BICRA: variants seen among roughly 807,000 people sequenced by gnomAD.
BICRA encodes the protein BRD4-interacting chromatin-remodeling complex-associated protein.
A neutral mutation model predicts 96.9 loss-of-function variants in BICRA; 31 were observed. The observed-to-expected ratio is 0.32, with a 90% confidence interval of 0.24 to 0.43. The LOEUF (loss-of-function observed/expected upper bound fraction) is 0.43. BICRA is among the 20% of genes least tolerant of loss of function. BICRA has a pLI of 1.00. For synonymous variants in BICRA, 1,350 were observed against 1,071.8 expected (o/e 1.26, Z -5.07); for missense variants, 2,283 against 2,190.3 (o/e 1.04, Z -0.84).
intron 1 of BICRA, among the ~76,000 whole-genome samples, chr19:47,622,030 G>C (rs1043313104): frequency 6.7e-6 from 1 of 150,058 alleles, no homozygotes; most frequent in Non-Finnish European, 1.5e-5. Context: ...GCAGTGGTGC[G>C]ATTTTGGCCC....
At chr19:47,613,624 C>A (rs138558762) in intron 1 of BICRA, among the ~76,000 whole-genome samples, 169 of 152,304 alleles carry the variant, frequency 1.1e-3, no homozygotes, top group African/African-American at 3.9e-3. Context: ...CTCACCCCTT[C>A]ATATCCCTCT....
Position 47,695,082 on chromosome 19 carries a change from TAGG to T in BICRA, c.3076+5_3076+7del, listed in dbSNP as rs1450346170. Reference sequence around the variant, plus strand: ...CCCCGGCACCCATGGCCGCCACAGGTAGGAGAGAGGTCGCCTATGTGCCCAGGG... The same window carrying T: ...CCCCGGCACCCATGGCCGCCACAGGTAGAGAGGTCGCCTATGTGCCCAGGG... On this transcript the variant is annotated splice_donor_5th_base_variant and intron_variant, in intron 9 of 14. Transcript: ENST00000594866. 1 of 1,490,548 alleles carries T rather than the reference TAGG, an allele frequency of 6.7e-7. No homozygotes were observed. The highest frequency in any genetic ancestry group is 1.3e-5 in the South Asian group (1 of 78,380). The allele number at this position is 1,490,548 out of a possible 1,614,324, so 92.3% of individuals were successfully genotyped here. A position where few individuals can be genotyped will look rare whatever the true frequency, so the allele number is the denominator to read the frequency against.
Position 47,698,585 on chromosome 19 carries a change from G to T in BICRA, c.3249-49G>T. ...CAGGGACTTCCCCTGGCCCTCACCC[G>T]TCCCCCCCACCCTCCGCCGTGTGTG... On this transcript the variant is annotated intron_variant, in intron 11 of 14. Transcript: ENST00000594866. This position sits in a 1 kb window ranked among gnomAD's most constrained non-coding sequence, Gnocchi z 4.8. 3.6e-6 allele frequency: 2 copies of T among 549,046 alleles called. No individual in the cohort carries two copies. The highest frequency in any genetic ancestry group is 7.3e-6 in the Non-Finnish European group (2 of 275,642). 34.0% of individuals were successfully genotyped at this position (549,046 alleles called of 1,614,324 possible).
chr19:47,665,555 G>A (rs551526550), intron 1 of BICRA, among the ~76,000 whole-genome samples: 21 of 152,168 alleles, frequency 1.4e-4, no homozygotes, highest in African/African-American at 4.3e-4. Context: ...CTGCAGCCTC[G>A]AACTCCTGGG....
intron 1 of BICRA, among the ~76,000 whole-genome samples, chr19:47,668,273 C>T (rs901195529): frequency 2.6e-5 from 4 of 152,090 alleles, no homozygotes; most frequent in African/African-American, 9.7e-5. Context: ...CTTCACAGAT[C>T]CCGTATTTGC....
chr19:47,648,526 G>T (rs1050531116), intron 1 of BICRA, among the ~76,000 whole-genome samples: 1 of 151,768 alleles, frequency 6.6e-6, no homozygotes, highest in African/African-American at 2.4e-5. Context: ...GCAAGCAGGA[G>T]AGGGACTGGG....
At chr19:47,677,651 C>T (rs1020029700) in intron 5 of BICRA, among the ~76,000 whole-genome samples, 1 of 152,126 alleles carries the variant, frequency 6.6e-6, no homozygotes, top group African/African-American at 2.4e-5. Flanking sequence ...GCCAGGATCA[C>T]ACCATTGCAC....
chr19:47,688,903 G>A (rs8111897), intron 7 of BICRA, among the ~76,000 whole-genome samples: 73,708 of 151,414 alleles, frequency 0.49, 18,163 homozygotes, highest in East Asian at 0.66. Flanking sequence ...CTCGGCTCAC[G>A]GCAACCTCTG....
At chr19:47,696,155 C>T (rs2123609372) in intron 10 of BICRA, among the ~76,000 whole-genome samples, 1 of 152,204 alleles carries the variant, frequency 6.6e-6, no homozygotes, top group Middle Eastern at 3.4e-3. Context: ...AGGCATCCGG[C>T]AGAGGAGGGA....
chr19:47,625,062 T>C (rs897907808), intron 1 of BICRA, among the ~76,000 whole-genome samples: 11 of 141,248 alleles, frequency 7.8e-5, no homozygotes, highest in African/African-American at 2.1e-4. Flanking sequence ...TGCAGTGACG[T>C]GATCTCAGCT....
chr19:47,657,326 G>A (rs940302722), intron 1 of BICRA, among the ~76,000 whole-genome samples: 5 of 152,016 alleles, frequency 3.3e-5, no homozygotes. Context: ...ATGTAACAGT[G>A]TATTCATTTA....
At chr19:47,647,642 T>C (rs928072273) in intron 1 of BICRA, among the ~76,000 whole-genome samples, 2 of 152,028 alleles carry the variant, frequency 1.3e-5, no homozygotes, top group East Asian at 1.9e-4. Context: ...CCACGTTGCA[T>C]GTTCTTGTAG....
intron 1 of BICRA, among the ~76,000 whole-genome samples, chr19:47,629,826 T>C (rs972539435): frequency 3.9e-5 from 6 of 152,182 alleles, no homozygotes; most frequent in African/African-American, 1.4e-4. Flanking sequence ...CCCAGCTAAT[T>C]TTTGTATTTT....
intron 1 of BICRA, among the ~76,000 whole-genome samples, chr19:47,661,299 G>C (rs931878355): frequency 2.6e-5 from 4 of 151,616 alleles, no homozygotes; most frequent in Admixed American, 6.6e-5. Context: ...AGAGGTGGCC[G>C]TAGCCAAGGG....
rs1167571730 is a variant in BICRA at position 47,701,125 on chromosome 19, G to C, written c.3596-203G>C. The C allele has an allele frequency of 1.7e-6, 1 of 589,210 alleles. No homozygotes were observed. Among genetic ancestry groups the C allele is most frequent in the Non-Finnish European group, 3.0e-6 (1 of 334,264 alleles). The allele number at this position is 589,210 out of a possible 1,614,324, so 36.5% of individuals were successfully genotyped here. ...TGAGCCCCACGTGGCTCGTGGCGCT[G>C]TGCCAGGCACAGTGGTTTTAGAGTT... On this transcript the variant is annotated intron_variant, in intron 14 of 14. Transcript: ENST00000594866. The surrounding 1 kb of genome is among the most constrained non-coding windows in gnomAD (Gnocchi z 5.4).
intron 1 of BICRA, among the ~76,000 whole-genome samples, chr19:47,631,065 TTG>T (rs1021352905): frequency 6.6e-6 from 1 of 152,154 alleles, no homozygotes; most frequent in Non-Finnish European, 1.5e-5. Flanking sequence ...ATTTATGTTT[TTG>T]GGGTTTTTTT....
At chr19:47,672,215 G>A (rs1374861897) in intron 2 of BICRA, among the ~76,000 whole-genome samples, 1 of 137,504 alleles carries the variant, frequency 7.3e-6, no homozygotes, top group Non-Finnish European at 1.6e-5. Flanking sequence ...GATGGAGGAT[G>A]GGTAAGTAGA....
chr19:47,624,506 C>A (rs546365310), intron 1 of BICRA, among the ~76,000 whole-genome samples: 2 of 152,196 alleles, frequency 1.3e-5, no homozygotes, highest in South Asian at 4.1e-4. Flanking sequence ...GTGTACATAC[C>A]TTAATTAAAA....
intron 1 of BICRA, among the ~76,000 whole-genome samples, chr19:47,664,622 C>T (rs905299075): frequency 6.6e-6 from 1 of 152,132 alleles, no homozygotes; most frequent in African/African-American, 2.4e-5. Context: ...GGGGCTGGTA[C>T]CCGGAAGCAC....
Sources: allele counts gnomAD v4.1 joint callset (sites outside exome capture counted in the v4.1 genomes callset), GRCh38; gene constraint gnomAD v4.1.1; non-coding constraint Gnocchi (gnomAD v3.1); transcripts MANE v1.5; gene names NCBI Gene and HGNC (gene_info 2026-07-23, HGNC 2026-07-21).